The following CPSF3 variants were observed in gnomAD, a reference collection of about 807,000 sequenced individuals.
CPSF3 encodes the protein cleavage and polyadenylation specific factor 3, also known as cleavage and polyadenylation specificity factor subunit 3.
In CPSF3, 57 loss-of-function variants were observed where a neutral mutation model predicts 84.1. The observed-to-expected ratio is 0.68, with a 90% confidence interval of 0.55 to 0.85. The LOEUF is 0.85. Ranked by LOEUF, CPSF3 falls within the 40% of genes least tolerant of loss-of-function variation. The pLI is 0.00. For synonymous variants in CPSF3, 275 were observed against 278.1 expected (o/e 0.99, Z 0.11); for missense variants, 522 against 838.8 (o/e 0.62, Z 4.66).
rs1681504585 is a variant in CPSF3 at position 9,455,708 on chromosome 2, A to G, written c.1554A>G (p.Pro518=). 2 of 1,614,098 alleles carry G rather than the reference A, an allele frequency of 1.2e-6. No homozygotes were observed. The highest frequency in any genetic ancestry group is 1.1e-5 in the South Asian group (1 of 91,080). ...MSTVKQTQAI[P]YTGPFNLLCY... ...CGGTGAAGCAGACCCAAGCCATTCC[A>G]TATACTGGTCCCTTTAATTTGCTCT... The change falls in exon 13 of 18, where the codon CCA becomes CCG. Residue 518 remains proline (P), a synonymous_variant. Coordinates refer to ENST00000238112, the MANE Select transcript of CPSF3 (RefSeq NM_016207.4).
intron 9 of CPSF3, among the ~76,000 whole-genome samples, chr2:9,442,721 G>T (rs1189861418): frequency 6.6e-6 from 1 of 152,010 alleles, no homozygotes; most frequent in Non-Finnish European, 1.5e-5. Flanking sequence ...GCGTGGTGGC[G>T]TATGCCTGTA....
chr2:9,466,220 ACGCACACACACACGTG>A (rs1558465974), intron 15 of CPSF3, among the ~76,000 whole-genome samples: 4 of 148,054 alleles, frequency 2.7e-5, no homozygotes, highest in Non-Finnish European at 4.5e-5. Flanking sequence ...GCACACACGC[ACGCACACACACACGTG>A]CGCGCACGCA....
intron 11 of CPSF3, among the ~76,000 whole-genome samples, chr2:9,451,851 G>C (rs1409147107): frequency 6.6e-6 from 1 of 151,722 alleles, no homozygotes. Context: ...CGAGTAGCTG[G>C]GACTACAGGC....
intron 14 of CPSF3, 144 bp downstream of exon 14, chr2:9,457,171 G>GTA: frequency 2.1e-6 from 1 of 473,678 alleles, no homozygotes. Context: ...GTGTGTGTGT[G>GTA]TGTGTGTGTG....
intron 6 of CPSF3, among the ~76,000 whole-genome samples, chr2:9,435,663 C>T (rs561498847): frequency 1.5e-4 from 23 of 151,970 alleles, no homozygotes; most frequent in East Asian, 1.2e-3. Flanking sequence ...GTGATCCACC[C>T]GCCTCGGCCT....
At chr2:9,447,602 C>T (rs1049493660) in intron 10 of CPSF3, among the ~76,000 whole-genome samples, 6 of 151,350 alleles carry the variant, frequency 4.0e-5, no homozygotes, top group Non-Finnish European at 7.4e-5. Flanking sequence ...GGTAAAACCC[C>T]GTCTCTACTA....
At chr2:9,466,214 ACACGCACGCACACACACACGTGCGCG>A (rs1388493601) in intron 15 of CPSF3, among the ~76,000 whole-genome samples, 6 of 149,900 alleles carry the variant, frequency 4.0e-5, no homozygotes, top group Admixed American at 6.6e-5. Flanking sequence ...ACACGCGCAC[ACACGCACGCACACACACACGTGCGCG>A]CACGCACGCG....
At chr2:9,431,918 AGAT>A (rs1221395822) in intron 4 of CPSF3, among the ~76,000 whole-genome samples, 2 of 152,204 alleles carry the variant, frequency 1.3e-5, no homozygotes, top group African/African-American at 4.8e-5. Flanking sequence ...TCCATTTTAT[AGAT>A]GATGAAACTG....
In CPSF3 at chr2:9,443,464, T is replaced by C. The variant is rs776375392; in HGVS notation, c.1096-51T>C. The C allele has an allele frequency of 3.2e-6, 5 of 1,554,924 alleles. No homozygotes were observed. The Admixed American group carries it at 9.6e-5, about 30-fold the overall frequency. Reference sequence around the variant, plus strand: ...CATGAAAAAAATGAAAATGTACCTTTACGATTATAACTGGGTAGTTTGTTT... The same window carrying C: ...CATGAAAAAAATGAAAATGTACCTTCACGATTATAACTGGGTAGTTTGTTT... On this transcript the variant is annotated intron_variant, in intron 9 of 17. Transcript: ENST00000238112.
At chr2:9,430,116 T>C (rs1680529463) in intron 3 of CPSF3, 96 bp downstream of exon 3, 4 of 723,880 alleles carry the variant, frequency 5.5e-6, no homozygotes, top group South Asian at 2.0e-5. Flanking sequence ...TTTAAAAGAG[T>C]GTTTTCTGCT....
At chr2:9,434,561 T>C (rs1680712818) in intron 6 of CPSF3, among the ~76,000 whole-genome samples, 1 of 152,162 alleles carries the variant, frequency 6.6e-6, no homozygotes, top group Non-Finnish European at 1.5e-5. Context: ...TATTTCTAGA[T>C]GAGAATATGT....
At chr2:9,468,294 T>A (rs1682043081) in intron 16 of CPSF3, among the ~76,000 whole-genome samples, 1 of 152,178 alleles carries the variant, frequency 6.6e-6, no homozygotes, top group South Asian at 2.1e-4. Context: ...TACAGTGGCA[T>A]GATCTTGGCT....
chr2:9,459,284 T>C (rs989288381), intron 14 of CPSF3, among the ~76,000 whole-genome samples: 54 of 152,216 alleles, frequency 3.5e-4, no homozygotes, highest in African/African-American at 1.3e-3. Context: ...TTATGAAAAT[T>C]AAATGATAAT....
At chr2:9,440,738 C>T (rs575624256) in intron 8 of CPSF3, 72 bp downstream of exon 8, 31 of 1,446,462 alleles carry the variant, frequency 2.1e-5, no homozygotes, top group Non-Finnish European at 2.5e-5. Context: ...GGTACGAGGC[C>T]GTGAGTGATG....
intron 11 of CPSF3, among the ~76,000 whole-genome samples, chr2:9,449,251 G>T (rs1681233274): frequency 6.6e-6 from 1 of 152,056 alleles, no homozygotes; most frequent in African/African-American, 2.4e-5. Flanking sequence ...TTAGCTGGGT[G>T]TGGTCGCAGG....
chr2:9,423,925 G>A (rs1488704771), intron 1 of CPSF3, 102 bp downstream of exon 1: 10 of 1,525,200 alleles, frequency 6.6e-6, no homozygotes, highest in Non-Finnish European at 8.8e-6. Flanking sequence ...CACCTACCCC[G>A]GCAGCCTGCC....
intron 15 of CPSF3, among the ~76,000 whole-genome samples, chr2:9,464,853 G>A (rs1201099129): frequency 2.0e-5 from 3 of 151,904 alleles, no homozygotes; most frequent in African/African-American, 4.8e-5. Flanking sequence ...TGGCCTCCCA[G>A]AGTGCTAGGA....
intron 16 of CPSF3, among the ~76,000 whole-genome samples, chr2:9,469,388 C>T (rs910694682): frequency 6.6e-6 from 1 of 152,160 alleles, no homozygotes; most frequent in Non-Finnish European, 1.5e-5. Context: ...GTGTTGCTGA[C>T]CAGGGACTTG....
intron 13 of CPSF3, among the ~76,000 whole-genome samples, chr2:9,456,458 C>T (rs1374396360): frequency 6.6e-6 from 1 of 152,134 alleles, no homozygotes; most frequent in Non-Finnish European, 1.5e-5. Context: ...GATAATCTGT[C>T]ATAACATAGA....
Sources: gnomAD v4.1 joint callset for allele counts (sites outside exome capture counted in the v4.1 genomes callset) on GRCh38, gnomAD v4.1.1 for gene constraint, MANE v1.5 for transcripts, NCBI Gene and HGNC (gene_info 2026-07-23, HGNC 2026-07-21) for gene names.